Variants in CYP2A6 observed in about 807,000 individuals in gnomAD.
CYP2A6 encodes cytochrome P450 family 2 subfamily A member 6, also known as cytochrome P450 2A6.
Under a neutral mutation model 42.3 loss-of-function variants are expected in CYP2A6, and 27 were observed. The ratio of observed to expected loss-of-function variants is 0.64; its 90% CI spans 0.47 to 0.88. CYP2A6 has a LOEUF of 0.88. Among genes scored for constraint, CYP2A6 ranks in the 40% least tolerant of loss-of-function variants. CYP2A6 has a pLI of 0.00. For missense variants in CYP2A6, 628 were observed against 646.0 expected, an observed-to-expected ratio of 0.97 and a Z score of 0.30; for synonymous variants, 238 against 246.3, an observed-to-expected ratio of 0.97 and a Z score of 0.31.
intron 4 of CYP2A6, among the ~76,000 whole-genome samples, chr19:40,847,300 G>A (rs899399019): frequency 2.6e-5 from 4 of 151,552 alleles, no homozygotes; most frequent in Non-Finnish European, 5.9e-5. Flanking sequence ...GTATTTAAAC[G>A]AGGCTGGATT....
intron 6 of CYP2A6, 29 bp from the exon 7 acceptor site, chr19:40,845,510 T>C: frequency 6.2e-7 from 1 of 1,608,320 alleles, no homozygotes; most frequent in Non-Finnish European, 8.5e-7. Flanking sequence ...TGTGTTTAGG[T>C]ATCTAGGGGT....
rs551576716 is a variant in CYP2A6 at position 40,846,596 on chromosome 19, C to T, written c.831+279G>A. Among the ~76,000 whole-genome samples the T allele has an allele frequency of 1.9e-3, 286 of 151,398 alleles. 11 individuals are homozygous for T. The highest frequency in any genetic ancestry group is 1.9e-3 in the Non-Finnish European group (131 of 67,962). On this transcript the variant is annotated intron_variant, in intron 5 of 8. Transcript: ENST00000301141. ...GCTCATTGCAACCTCTGCCCCCCTT[C>T]GCGCCACCATGCCCAACTAATTTTT...
In CYP2A6 at chr19:40,843,820, G is replaced by A. The variant is rs1335019954; in HGVS notation, c.1461C>T (p.Tyr487=). The A allele has an allele frequency of 6.2e-7, 1 of 1,609,954 alleles. No homozygotes were observed. The highest frequency in any genetic ancestry group is 8.5e-7 in the Non-Finnish European group (1 of 1,179,338). ...HVGFATIPRN[Y]TMSFLPR is the part of the protein sequence containing the mutation. ...CTCAGCGGGGCAGGAAGCTCATGGT[G>A]TAGTTTCGTGGGATCGTGGCAAAGC... is the stretch of plus-strand genomic sequence containing the variant. The change falls in exon 9 of 9, where the codon TAC becomes TAT. Residue 487 remains tyrosine (Y), a synonymous_variant. Transcript: ENST00000301141.
chr19:40,846,834 G>C (rs757198329), intron 5 of CYP2A6, 41 bp downstream of exon 5: 13 of 1,604,736 alleles, frequency 8.1e-6, no homozygotes, highest in Admixed American at 1.7e-5. Flanking sequence ...ATTTCCCTCT[G>C]CCTGGCTTTG....
chr19:40,848,887 G>A, intron 2 of CYP2A6, 124 bp from the exon 3 acceptor site: 2 of 1,165,722 alleles, frequency 1.7e-6, no homozygotes, highest in Non-Finnish European at 2.4e-6. Context: ...GATGGATTCA[G>A]CGCCATTGCC....
At position 40,849,804 on chromosome 19, in the gene CYP2A6, G is replaced by C. The variant is rs1015296582; in HGVS notation, c.343+14C>G. On this transcript the variant is annotated intron_variant, in intron 2 of 8. Coordinates refer to ENST00000301141, the MANE Select transcript of CYP2A6 (RefSeq NM_000762.6). ...TCCACCTGGCCACCTTCCCCCTCTT[G>C]GGCACCCCCTCACCATAGCCTTTGA... 5 of 1,608,200 alleles carry C rather than the reference G, an allele frequency of 3.1e-6. No individual in the cohort carries two copies. The African/African-American group carries it at 5.5e-5, about 18-fold the overall frequency.
In CYP2A6 at chr19:40,843,624, C is replaced by G. The variant is rs1182904606; in HGVS notation, c.*172G>C. The G allele has an allele frequency of 7.5e-6, 8 of 1,066,954 alleles. No homozygotes were observed. Among genetic ancestry groups the G allele is most frequent in the Non-Finnish European group, 9.1e-6 (7 of 768,284 alleles). 66.1% of individuals were successfully genotyped at this position (1,066,954 alleles called of 1,614,324 possible). On this transcript the variant is annotated 3_prime_UTR_variant, in exon 9 of 9. Coordinates refer to ENST00000301141, the MANE Select transcript of CYP2A6 (RefSeq NM_000762.6). Reference sequence around the variant, plus strand: ...TCCTCTCATCCCAGCTCGGAAGCACCTTATCAAGGTGAACTGAGCCGCTTC... The same window carrying G: ...TCCTCTCATCCCAGCTCGGAAGCACGTTATCAAGGTGAACTGAGCCGCTTC...
chr19:40,849,386 A>G (rs547078508), intron 2 of CYP2A6, among the ~76,000 whole-genome samples: 8 of 151,530 alleles, frequency 5.3e-5, no homozygotes, highest in East Asian at 4.0e-4. Context: ...ATGGAGGCTG[A>G]AGATGTGGAA....
intron 5 of CYP2A6, 66 bp downstream of exon 5, chr19:40,846,809 C>T (rs1256555923): frequency 6.3e-7 from 1 of 1,584,948 alleles, no homozygotes; most frequent in African/African-American, 1.3e-5. Flanking sequence ...ATCTGCCTGC[C>T]CCACTCCCAG....
chr19:40,849,035 AAG>A (rs1433459887), intron 2 of CYP2A6, among the ~76,000 whole-genome samples: 245 of 22,522 alleles, frequency 0.011, 8 homozygotes, highest in East Asian at 0.017. Flanking sequence ...AGAGAGAGAG[AAG>A]AGAGAGAGGA....
At chr19:40,846,777 T>G (rs1426567135) in intron 5 of CYP2A6, 98 bp downstream of exon 5, 1 of 1,465,916 alleles carries the variant, frequency 6.8e-7, no homozygotes, top group African/African-American at 1.4e-5. Context: ...ATGATGAGGG[T>G]TAATTTGAAT....
chr19:40,849,004 GAGAGAGA>G (rs1967162599), intron 2 of CYP2A6, among the ~76,000 whole-genome samples: 1 of 88,184 alleles, frequency 1.1e-5, no homozygotes, highest in African/African-American at 4.4e-5. Context: ...GAGAGAGAGA[GAGAGAGA>G]AGAGAGAGAG....
At chr19:40,848,574 T>G in intron 3 of CYP2A6, 40 bp downstream of exon 3, 2 of 1,604,356 alleles carry the variant, frequency 1.2e-6, no homozygotes, top group South Asian at 1.1e-5. Flanking sequence ...TCCTGGGTGT[T>G]TTCCTTCTCC....
chr19:40,849,045 G>GGGGAGAGAGA (rs1967169791), intron 2 of CYP2A6, among the ~76,000 whole-genome samples: 1 of 24,246 alleles, frequency 4.1e-5, no homozygotes, highest in Non-Finnish European at 6.9e-5. Flanking sequence ...AAGAGAGAGA[G>GGGGAGAGAGA]GAGAGAGAGA....
chr19:40,849,028 GA>G (rs1568516122), intron 2 of CYP2A6, among the ~76,000 whole-genome samples: 11 of 41,402 alleles, frequency 2.7e-4, no homozygotes, highest in South Asian at 1.1e-3. Flanking sequence ...AGAGGAGAGA[GA>G]GAGAGAAGAG....
chr19:40,845,630 A>G, intron 6 of CYP2A6, 149 bp from the exon 7 acceptor site: 3 of 1,361,358 alleles, frequency 2.2e-6, no homozygotes, highest in South Asian at 1.5e-5. Context: ...AGCCATTCGC[A>G]TTGTTGGAGT....
intron 1 of CYP2A6, 92 bp downstream of exon 1, chr19:40,850,154 AC>A: frequency 6.5e-7 from 1 of 1,541,314 alleles, no homozygotes; most frequent in Non-Finnish European, 8.8e-7. Context: ...ATTTCCTAAG[AC>A]TCTGGTCCAC....
chr19:40,844,860 C>T (rs1326038385), intron 7 of CYP2A6, 88 bp from the exon 8 acceptor site: 1 of 1,509,802 alleles, frequency 6.6e-7, no homozygotes, highest in Non-Finnish European at 8.9e-7. Flanking sequence ...CTAGTGTGCC[C>T]CAGGTAAGGG....
rs560231157 is a variant in CYP2A6, at chr19:40,844,874, G to A, written c.1162-102C>T. On this transcript the variant is annotated intron_variant, in intron 7 of 8. Coordinates refer to ENST00000301141, the MANE Select transcript of CYP2A6 (RefSeq NM_000762.6). ...ACTAGTGTGCCCCAGGTAAGGGGAA[G>A]TGGCAGGCATGGAGGAGTTGGGGTC... 1.8e-4 allele frequency: 268 copies of A among 1,460,812 alleles called. 3 individuals carry two copies. Among genetic ancestry groups the A allele is most frequent in the Admixed American group, 2.1e-4 (10 of 46,746 alleles). The allele number at this position is 1,460,812 out of a possible 1,614,324, so 90.5% of individuals were successfully genotyped here.
Sources: allele counts gnomAD v4.1 joint callset (sites outside exome capture counted in the v4.1 genomes callset), GRCh38; gene constraint gnomAD v4.1.1; transcripts MANE v1.5; gene names NCBI Gene and HGNC (gene_info 2026-07-23, HGNC 2026-07-21).